PEAR1: variants seen among roughly 807,000 people sequenced by gnomAD.
PEAR1 encodes multiple EGF-like domains protein 12.
In PEAR1, 113 loss-of-function variants were observed where a neutral mutation model predicts 131.2. The ratio of observed to expected loss-of-function variants is 0.86; its 90% CI spans 0.74 to 1.01. The LOEUF is 1.01. Among genes scored for constraint, PEAR1 ranks in the 50% least tolerant of loss-of-function variants. The pLI, the probability that PEAR1 is intolerant of heterozygous loss-of-function variation, is 0.00. For missense variants in PEAR1, 1,408 were observed against 1,391.1 expected (o/e 1.01, Z -0.19); for synonymous variants, 565 against 523.3 (o/e 1.08, Z -1.09).
chr1:156,898,948 AT>A (rs1188698635), intron 1 of PEAR1, among the ~76,000 whole-genome samples: 1 of 152,218 alleles, frequency 6.6e-6, no homozygotes, highest in African/African-American at 2.4e-5. Context: ...AGAGTTTCTG[AT>A]GAAGAACAAG....
chr1:156,908,451 G>C lies in PEAR1; in HGVS notation c.1115+111G>C. 7.4e-7 allele frequency: 1 copy of C among 1,343,286 alleles called. No homozygotes were observed. Among genetic ancestry groups the C allele is most frequent in the Non-Finnish European group, 9.9e-7 (1 of 1,014,344 alleles). 83.2% of individuals were successfully genotyped at this position (1,343,286 alleles called of 1,614,324 possible). ...TCCAAGGGGGACAGGTGTCACAGAA[G>C]GGGAAAGGGAGGGACCTCAGGGGCC... On this transcript the variant is annotated intron_variant, in intron 9 of 22. Transcript: ENST00000292357. This position sits in a 1 kb window ranked among gnomAD's most constrained non-coding sequence, Gnocchi z 4.2.
intron 15 of PEAR1, among the ~76,000 whole-genome samples, chr1:156,911,443 C>G: frequency 6.6e-6 from 1 of 151,742 alleles, no homozygotes. Context: ...CCACAGCAGG[C>G]TAATTTTTGT....
rs760810294 is a variant in PEAR1, at chr1:156,906,866, G to A, written c.630G>A (p.Glu210=). ...PQTGACFCPA[E]RTGPSCDVSC... ...CTGGAGCCTGCTTCTGCCCCGCAGA[G>A]AGAACTGGGCCCAGGTATGTAATGG... The change falls in exon 6 of 23, where the codon GAG becomes GAA. Residue 210 remains glutamate, a synonymous_variant. Transcript: ENST00000292357. 2 of 1,614,034 alleles carry A rather than the reference G, an allele frequency of 1.2e-6. No individual in the cohort carries two copies. The highest frequency in any genetic ancestry group is 4.5e-5 in the East Asian group (2 of 44,876).
chr1:156,908,074 G>A lies in PEAR1; in HGVS notation c.902+23G>A. On this transcript the variant is annotated intron_variant, in intron 8 of 22. Coordinates refer to ENST00000292357, the MANE Select transcript of PEAR1 (RefSeq NM_001080471.3). The surrounding 1 kb of genome is among the most constrained non-coding windows in gnomAD (Gnocchi z 4.2). ...TCGGTGAGTGGCGTGGGGCGGGCGG[G>A]AGACGGGAGGGAGGAGGTGGGGCGC... The A allele has an allele frequency of 1.8e-6, 2 of 1,127,290 alleles. No individual in the cohort carries two copies. Among genetic ancestry groups the A allele is most frequent in the Non-Finnish European group, 2.5e-6 (2 of 786,726 alleles). The allele number at this position is 1,127,290 out of a possible 1,614,324, so 69.8% of individuals were successfully genotyped here. A position where few individuals can be genotyped will look rare whatever the true frequency, so the allele number is the denominator to read the frequency against.
rs1558130541 is a variant in PEAR1 at position 156,905,408 on chromosome 1, CA to C, written c.292del (p.Arg98GlyfsTer279). 1 of 1,605,658 alleles carries C rather than the reference CA, an allele frequency of 6.2e-7. No homozygotes were observed. Among genetic ancestry groups the C allele is most frequent in the Non-Finnish European group, 8.5e-7 (1 of 1,176,016 alleles). ...AGTGCTGCCATGGCTTCTATGAGAG[CA>C]GGGGGTTCTGTGTCCGTGAGTCCAG... The part of the protein sequence containing the change: ...LQCCHGFYES[R>X]GFCVPLCAQE... On this transcript the variant is annotated frameshift_variant, in exon 4 of 23. Coordinates refer to ENST00000292357, the MANE Select transcript of PEAR1 (RefSeq NM_001080471.3). LOFTEE classifies it high-confidence loss of function.
At position 156,907,703 on chromosome 1, in the gene PEAR1, C is replaced by T. The variant is rs1186517170; in HGVS notation, c.738C>T (p.Gly246=). ...GAGGTGTCTTCCAAACCCCACAGGGCTCCTGCAGCTGCCCCCCTGGCTGGA... is the reference window on the plus strand; with the variant it reads ...GAGGTGTCTTCCAAACCCCACAGGGTTCCTGCAGCTGCCCCCCTGGCTGGA... The part of the protein sequence containing the change: ...QNGGVFQTPQ[G]SCSCPPGWMG... The change falls in exon 7 of 23, where the codon GGC becomes GGT. Residue 246 remains glycine, a synonymous_variant. Coordinates refer to ENST00000292357, the MANE Select transcript of PEAR1 (RefSeq NM_001080471.3). The T allele has an allele frequency of 6.2e-7, 1 of 1,612,828 alleles. No individual in the cohort carries two copies. Among genetic ancestry groups the T allele is most frequent in the East Asian group, 2.2e-5 (1 of 44,862 alleles).
Position 156,908,594 on chromosome 1 carries a change from C to T in PEAR1, c.1116-61C>T. ...AATCCCACTGACCACGCGGAGGGGT[C>T]GGGAAGCTGCCCTGCCCCTGCCCAG... On this transcript the variant is annotated intron_variant, in intron 9 of 22. Coordinates refer to ENST00000292357, the MANE Select transcript of PEAR1 (RefSeq NM_001080471.3). The surrounding 1 kb of genome is among the most constrained non-coding windows in gnomAD (Gnocchi z 4.2). The T allele has an allele frequency of 7.0e-7, 1 of 1,432,758 alleles. No homozygotes were observed. Among genetic ancestry groups the T allele is most frequent in the Non-Finnish European group, 9.2e-7 (1 of 1,081,630 alleles). The allele number at this position is 1,432,758 out of a possible 1,614,324, so 88.8% of individuals were successfully genotyped here. A position where few individuals can be genotyped will look rare whatever the true frequency, so the allele number is the denominator to read the frequency against.
intron 1 of PEAR1, among the ~76,000 whole-genome samples, chr1:156,896,141 C>T (rs1278176837): frequency 1.3e-5 from 2 of 152,232 alleles, no homozygotes; most frequent in Non-Finnish European, 2.9e-5. Context: ...GCCCAAATCC[C>T]TGCTCCGGCT....
intron 1 of PEAR1, among the ~76,000 whole-genome samples, chr1:156,897,753 T>G (rs939382309): frequency 1.3e-5 from 2 of 152,194 alleles, no homozygotes; most frequent in Non-Finnish European, 2.9e-5. Context: ...CTTGAGGCTG[T>G]GTAGAACCTG....
rs373667173 is a variant in PEAR1, at chr1:156,911,179, T to C, written c.1951+436T>C. Among the ~76,000 whole-genome samples the C allele has an allele frequency of 8.8e-5, 9 of 102,118 alleles. 1 individual carries two copies. Among genetic ancestry groups the C allele is most frequent in the South Asian group, 7.5e-4 (2 of 2,666 alleles). 67.0% of individuals were successfully genotyped at this position (102,118 alleles called of 152,430 possible). On this transcript the variant is annotated intron_variant, in intron 15 of 22. Transcript: ENST00000292357. ...TTTTCTTTCTTTCTTTCCTTTCTTT[T>C]CTTTCTTCTTTCTTTCTTTCTTTTC...
chr1:156,914,316 G>T (rs1028377425), intron 22 of PEAR1, among the ~76,000 whole-genome samples: 7 of 152,166 alleles, frequency 4.6e-5, no homozygotes, highest in Non-Finnish European at 8.8e-5. Flanking sequence ...TACCTTCTTC[G>T]CAGAGCTCAG....
intron 15 of PEAR1, among the ~76,000 whole-genome samples, chr1:156,911,838 C>T (rs1055638750): frequency 1.3e-5 from 2 of 152,164 alleles, no homozygotes; most frequent in African/African-American, 4.8e-5. Flanking sequence ...TTTCCATAGA[C>T]TCTGGTTACA....
Position 156,910,000 on chromosome 1 carries a change from T to C in PEAR1, c.1576-6T>C. 2 of 1,613,436 alleles carry C rather than the reference T, an allele frequency of 1.2e-6. No homozygotes were observed. The highest frequency in any genetic ancestry group is 1.7e-6 in the Non-Finnish European group (2 of 1,180,006). On this transcript the variant is annotated splice_polypyrimidine_tract_variant and splice_region_variant and intron_variant, in intron 12 of 22. Coordinates refer to ENST00000292357, the MANE Select transcript of PEAR1 (RefSeq NM_001080471.3). The stretch of plus-strand genomic sequence containing the variant: ...TGGCCTACCTGCTCCCCACTCCTTC[T>C]CCAAGAAGGGGCAGTTTGGAGAAGG...
At position 156,916,315 on chromosome 1, in the gene PEAR1, A is replaced by G. The variant is rs1159783173; in HGVS notation, c.*1517A>G. 6.6e-6 allele frequency: 1 copy of G among 152,122 alleles called. No homozygotes were observed. Among genetic ancestry groups the G allele is most frequent in the African/African-American group, 2.4e-5 (1 of 41,400 alleles). 9.4% of individuals were successfully genotyped at this position (152,122 alleles called of 1,614,324 possible). A position where few individuals can be genotyped will look rare whatever the true frequency, so the allele number is the denominator to read the frequency against. On this transcript the variant is annotated 3_prime_UTR_variant, in exon 23 of 23. Coordinates refer to ENST00000292357, the MANE Select transcript of PEAR1 (RefSeq NM_001080471.3). Reference sequence around the variant, plus strand: ...TGCTTGCAATATTTCAAGCATTTTCATTGTTATTATATGTGTTATAGTGAT... The same window carrying G: ...TGCTTGCAATATTTCAAGCATTTTCGTTGTTATTATATGTGTTATAGTGAT...
rs768687976 is a variant in PEAR1 at position 156,908,956 on chromosome 1, G to A, written c.1331G>A (p.Gly444Asp). Residue 444 changes from glycine (G) to aspartate (D), a missense_variant, in exon 11 of 23, where the codon GGT (glycine) becomes GAT (aspartate). Gly to Asp is a moderately conservative substitution (Grantham distance 94). Coordinates refer to ENST00000292357, the MANE Select transcript of PEAR1 (RefSeq NM_001080471.3). This position sits in a 1 kb window ranked among gnomAD's most constrained non-coding sequence, Gnocchi z 4.2. ...AGTCTTTGTCCTCCTGACACCTACG[G>A]TGTCAACTGTTCTGCACGCTGCTCA... ...CASLCPPDTY[G>D]VNCSARCSCE... The A allele has an allele frequency of 6.2e-7, 1 of 1,614,000 alleles. No individual in the cohort carries two copies. The highest frequency in any genetic ancestry group is 2.2e-5 in the East Asian group (1 of 44,870).
intron 1 of PEAR1, among the ~76,000 whole-genome samples, chr1:156,901,996 T>C (rs1162982773): frequency 6.6e-6 from 1 of 152,058 alleles, no homozygotes; most frequent in Non-Finnish European, 1.5e-5. Flanking sequence ...TCTAGGGCAC[T>C]CCTGACTGTG....
In PEAR1 at chr1:156,909,763, G is replaced by A. The variant is rs748207434; in HGVS notation, c.1424G>A (p.Gly475Asp). ...ECVCKEGWQR[G>D]NCSVPCPPGT... ...GCCCCTCCTCCAGGTTGGCAGCGTG[G>A]TAACTGCTCTGTGCCCTGCCCACCC... is the stretch of plus-strand genomic sequence containing the variant. Residue 475 changes from glycine (G) to aspartate (D), a missense_variant, in exon 12 of 23, where the codon GGT becomes GAT. Transcript: ENST00000292357. 12 of 1,605,900 alleles carry A rather than the reference G, an allele frequency of 7.5e-6. No homozygotes were observed. The highest frequency in any genetic ancestry group is 1.0e-5 in the Non-Finnish European group (12 of 1,174,180).
Position 156,909,004 on chromosome 1 carries a change from C to T in PEAR1, c.1379C>T (p.Ser460Leu). The T allele has an allele frequency of 1.9e-6, 3 of 1,614,082 alleles. No homozygotes were observed. ...RCSCENAIAC[S>L]PIDGECVCKE... The stretch of plus-strand genomic sequence containing the variant: ...TCATGTGAAAATGCCATCGCCTGCT[C>T]ACCCATCGACGGCGAGTGCGTCTGC... Residue 460 changes from serine (S) to leucine (L), a missense_variant, in exon 11 of 23, where the codon TCA becomes TTA. By Grantham distance (145) the Ser-to-Leu change is moderately radical (BLOSUM62 -2). Transcript: ENST00000292357.
chr1:156,903,323 C>T (rs1178464153), intron 1 of PEAR1, among the ~76,000 whole-genome samples: 2 of 152,154 alleles, frequency 1.3e-5, no homozygotes, highest in Non-Finnish European at 2.9e-5. Flanking sequence ...AACTCACCAC[C>T]TGAGGTAGCC....
Sources: gnomAD v4.1 joint callset for allele counts (sites outside exome capture counted in the v4.1 genomes callset) on GRCh38, gnomAD v4.1.1 for gene constraint, Gnocchi (gnomAD v3.1) non-coding constraint, MANE v1.5 for transcripts, NCBI Gene and HGNC (gene_info 2026-07-23, HGNC 2026-07-21) for gene names.